Variants in TNXB observed in about 807,000 individuals in gnomAD.
TNXB encodes tenascin-X.
In TNXB, 183 loss-of-function variants were observed where a neutral mutation model predicts 340.5. That is an observed-to-expected ratio of 0.54 (90% CI 0.48 to 0.61). The LOEUF (loss-of-function observed/expected upper bound fraction) is 0.61, where lower values mean the gene tolerates loss of function less well. TNXB is among the 20% of genes least tolerant of loss of function. The probability of loss-of-function intolerance (pLI) is 0.00; values close to 1 mark genes in which losing one functional copy is unlikely to be tolerated. For synonymous variants in TNXB, 2,121 were observed against 2,314.5 expected, an observed-to-expected ratio of 0.92 and a Z score of 2.40; for missense variants, 4,613 against 5,446.4, an observed-to-expected ratio of 0.85 and a Z score of 4.82.
chr6:32,095,802 G>T lies in TNXB; in HGVS notation c.2051C>A (p.Pro684Gln). 2 of 1,612,948 alleles carry T rather than the reference G, an allele frequency of 1.2e-6. No homozygotes were observed. Among genetic ancestry groups the T allele is most frequent in the Non-Finnish European group, 1.7e-6 (2 of 1,179,506 alleles). ...GCAGCCTCCAGGGCAGGCGCTGGCT[G>T]GAGGCTCTTCCTGCCCGCAGTCCTC... Reference protein sequence around the residue: ...GGEDCGQEEPPASACPGGCGP... With the variant: ...GGEDCGQEEPQASACPGGCGP... Residue 684 changes from proline (P) to glutamine (Q), a missense_variant, in exon 3 of 44, where the codon CCA (proline) becomes CAA (glutamine). Pro to Gln is a moderately conservative substitution (Grantham distance 76). This residue lies in a region of TNXB where 4,327 missense variants were observed against 4,859.4 expected (regional missense o/e 0.89). Transcript: ENST00000644971.
rs768607753 is a variant in TNXB, at chr6:32,085,896, G to A, written c.3002C>T (p.Pro1001Leu). The change falls in exon 7 of 44, where the codon CCG (proline) becomes CTG (leucine). Residue 1001 changes from proline (P) to leucine (L), a missense_variant. Pro to Leu is a moderately conservative substitution (Grantham distance 98). Coordinates refer to ENST00000644971, the MANE Select transcript of TNXB (RefSeq NM_001365276.2). The surrounding 1 kb of genome is among the most constrained non-coding windows in gnomAD (Gnocchi z 6.4). ...TGGCAGCACTTCCTCATGTGCCCCC[G>A]GCCCCTCGGGCACCCGCATGCGCAG... Reference protein sequence around the residue: ...FQLRMRVPEGPGAHEEVLPGD... With the variant: ...FQLRMRVPEGLGAHEEVLPGD... The A allele has an allele frequency of 8.1e-6, 13 of 1,608,150 alleles. No individual in the cohort carries two copies. The highest frequency in any genetic ancestry group is 3.3e-5 in the Admixed American group (2 of 59,996).
intron 1 of TNXB, among the ~76,000 whole-genome samples, chr6:32,101,596 T>G (rs1407600854): frequency 6.7e-6 from 1 of 150,078 alleles, no homozygotes; most frequent in Non-Finnish European, 1.5e-5. Flanking sequence ...GCCTTTTTTT[T>G]TTTTTTTTTT....
chr6:32,089,329 T>G lies in TNXB; in HGVS notation c.2409A>C (p.Ser803=), dbSNP rs779701423. 7 of 1,608,198 alleles carry G rather than the reference T, an allele frequency of 4.4e-6. No individual in the cohort carries two copies. The highest frequency in any genetic ancestry group is 5.9e-6 in the Non-Finnish European group (7 of 1,178,288). The change falls in exon 5 of 44, where the codon TCA becomes TCC. Residue 803 remains serine, a synonymous_variant. Transcript: ENST00000644971. This position sits in a 1 kb window ranked among gnomAD's most constrained non-coding sequence, Gnocchi z 6.2. Reference sequence around the variant, plus strand: ...GGGCCAGTCCTCTCTGGTCATAGGCTGAGGCAGAGCTTGGAACCCGTGCTG... The same window carrying G: ...GGGCCAGTCCTCTCTGGTCATAGGCGGAGGCAGAGCTTGGAACCCGTGCTG... ...PFTARVPSSA[S]AYDQRGLAPG...
rs1420235971 is a variant in TNXB at position 32,061,681 on chromosome 6, A to G, written c.7208T>C (p.Met2403Thr). Residue 2403 changes from methionine (M) to threonine (T), a missense_variant, in exon 21 of 44, where the codon ATG (methionine) becomes ACG (threonine). Coordinates refer to ENST00000644971, the MANE Select transcript of TNXB (RefSeq NM_001365276.2). The surrounding 1 kb of genome is among the most constrained non-coding windows in gnomAD (Gnocchi z 4.4). ...EETPSPTEPS[M>T]EAPEPPEEPL... ...CTCCTCAGGGGGCTCCGGGGCCTCC[A>G]TGCTGGGTTCTGTGGGGCTGGGGGT... The G allele has an allele frequency of 9.9e-6, 16 of 1,612,414 alleles. No homozygotes were observed. The highest frequency in any genetic ancestry group is 2.2e-5 in the South Asian group (2 of 91,078).
In TNXB at chr6:32,080,205, G is replaced by C. The variant is rs1779356839; in HGVS notation, c.4043-840C>G. 2.3e-5 allele frequency among the ~76,000 whole-genome samples: 1 copy of C among 43,720 alleles called. No homozygotes were observed. 28.7% of individuals were successfully genotyped at this position (43,720 alleles called of 152,430 possible). A position where few individuals can be genotyped will look rare whatever the true frequency, so the allele number is the denominator to read the frequency against. On this transcript the variant is annotated intron_variant, in intron 10 of 43. Transcript: ENST00000644971. The surrounding 1 kb of genome is among the most constrained non-coding windows in gnomAD (Gnocchi z 4.3). Reference sequence around the variant, plus strand: ...TATTCTAAGTGTGTGGGCTTTTTTTGTTTTTGTTTTTGTTTTTTTTTTTGA... The same window carrying C: ...TATTCTAAGTGTGTGGGCTTTTTTTCTTTTTGTTTTTGTTTTTTTTTTTGA...
At position 32,096,316 on chromosome 6, in the gene TNXB, C is replaced by G. The variant is rs750273126; in HGVS notation, c.1537G>C (p.Val513Leu). ...TCACCGGTGAAGCCCGGGTTGCACA[C>G]GCAGCGGCCATCCACGCAGCGCCCG... ...GRGRCVDGRC[V>L]CNPGFTGEDC... The change falls in exon 3 of 44, where the codon GTG becomes CTG. Residue 513 changes from valine to leucine, a missense_variant. By Grantham distance (32) the Val-to-Leu change is conservative (BLOSUM62 1). Around this residue, in one of 7 missense-constraint regions of TNXB, gnomAD observed 4,327 missense variants for 4,859.4 expected, o/e 0.89. Transcript: ENST00000644971. The G allele has an allele frequency of 9.7e-6, 15 of 1,549,924 alleles. No individual in the cohort carries two copies. The highest frequency in any genetic ancestry group is 1.1e-5 in the Non-Finnish European group (13 of 1,152,820).
Position 32,048,479 on chromosome 6 carries a change from C to G in TNXB, c.9929G>C (p.Gly3310Ala). ...CGAGACGGCGACCGCTCGGAGGTCT[C>G]CGCTCACAGGCACTGCCTGGGGCTG... is the stretch of plus-strand genomic sequence containing the variant. ...QGQPQAVPVS[G>A]DLRAVAVSGL... The change falls in exon 29 of 44, where the codon GGA (glycine) becomes GCA (alanine). Residue 3310 changes from glycine to alanine, a missense_variant. Physicochemically the swap from Gly to Ala is moderately conservative, Grantham distance 60 (BLOSUM62 0). Coordinates refer to ENST00000644971, the MANE Select transcript of TNXB (RefSeq NM_001365276.2). The G allele has an allele frequency of 5.6e-6, 9 of 1,600,980 alleles. No individual in the cohort carries two copies. The highest frequency in any genetic ancestry group is 1.3e-5 in the African/African-American group (1 of 74,922).
rs745733950 is a variant in TNXB, at chr6:32,043,823, G to A, written c.11456C>T (p.Ala3819Val). 7.4e-6 allele frequency: 12 copies of A among 1,613,554 alleles called. No homozygotes were observed. Among genetic ancestry groups the A allele is most frequent in the Non-Finnish European group, 1.0e-5 (12 of 1,180,012 alleles). The part of the protein sequence containing the change: ...TQKLQGLIPG[A>V]RYEVTVVSVR... ...CGAGACCACGGTCACCTCATAGCGA[G>A]CGCCTGGGATCAGCCCCTGGAGTTT... The change falls in exon 35 of 44, where the codon GCT becomes GTT. Residue 3819 changes from alanine to valine, a missense_variant. Ala to Val is a moderately conservative substitution (Grantham distance 64, BLOSUM62 0). This residue lies in a region of TNXB where 114 missense variants were observed against 104.5 expected (regional missense o/e 1.09). Coordinates refer to ENST00000644971, the MANE Select transcript of TNXB (RefSeq NM_001365276.2).
At position 32,097,080 on chromosome 6, in the gene TNXB, C is replaced by A. The variant is rs202076639; in HGVS notation, c.773G>T (p.Arg258Leu). Residue 258 changes from arginine to leucine, a missense_variant, in exon 3 of 44, where the codon CGC becomes CTC. Arg to Leu is a moderately radical substitution (Grantham distance 102). This residue lies in a region of TNXB where 4,327 missense variants were observed against 4,859.4 expected (regional missense o/e 0.89). Coordinates refer to ENST00000644971, the MANE Select transcript of TNXB (RefSeq NM_001365276.2). The surrounding 1 kb of genome is among the most constrained non-coding windows in gnomAD (Gnocchi z 5.9). ...SCPRGCSQRG[R>L]CEGGRCVCDP... ...ACACACGCAGCGCCCACCCTCACAG[C>A]GTCCCCTCTGGCTGCAACCTCGAGG... is the stretch of plus-strand genomic sequence containing the variant. 2 of 1,613,664 alleles carry A rather than the reference C, an allele frequency of 1.2e-6. No individual in the cohort carries two copies. The highest frequency in any genetic ancestry group is 1.7e-6 in the Non-Finnish European group (2 of 1,179,732).
chr6:32,071,881 T>C (rs989146430), intron 13 of TNXB, 109 bp downstream of exon 13: 40 of 1,046,626 alleles, frequency 3.8e-5, no homozygotes, highest in Admixed American at 8.4e-5. Context: ...CCATGTGGCT[T>C]TTCAAATGAG....
chr6:32,063,955 A>G (rs1032787619), intron 19 of TNXB, among the ~76,000 whole-genome samples: 4 of 152,220 alleles, frequency 2.6e-5, no homozygotes, highest in Non-Finnish European at 4.4e-5. Context: ...GTTGTTTTAA[A>G]AATAAATGGG....
rs1318978594 is a variant in TNXB at position 32,068,831 on chromosome 6, C to A, written c.5893G>T (p.Ala1965Ser). ...TGGGCAGAGTTCTCACCTGTCAGGG[C>A]CTCGACATGGACAGGACCTACATGC... ...GKHVGPVHVE[A>S]LTVPEEEKPS... The change falls in exon 16 of 44, where the codon GCC becomes TCC. Residue 1965 changes from alanine (A) to serine (S), a missense_variant. By Grantham distance (99) the Ala-to-Ser change is moderately conservative. Around this residue, in one of 7 missense-constraint regions of TNXB, gnomAD observed 4,327 missense variants for 4,859.4 expected, o/e 0.89. Transcript: ENST00000644971. The surrounding 1 kb of genome is among the most constrained non-coding windows in gnomAD (Gnocchi z 5.3). The A allele has an allele frequency of 6.2e-7, 1 of 1,605,144 alleles. No individual in the cohort carries two copies. The highest frequency in any genetic ancestry group is 8.5e-7 in the Non-Finnish European group (1 of 1,174,016).
intron 6 of TNXB, among the ~76,000 whole-genome samples, chr6:32,088,109 C>A (rs1028750433): frequency 6.6e-6 from 1 of 152,176 alleles, no homozygotes; most frequent in African/African-American, 2.4e-5. Context: ...TCCCTGTGCC[C>A]CAGCCCCACC....
chr6:32,098,325 C>G lies in TNXB; in HGVS notation c.-8-119G>C, dbSNP rs977541567. The G allele has an allele frequency of 5.9e-6, 5 of 847,536 alleles. No homozygotes were observed. The African/African-American group carries it at 6.8e-5, about 12-fold the overall frequency. The allele number at this position is 847,536 out of a possible 1,614,324, so 52.5% of individuals were successfully genotyped here. On this transcript the variant is annotated intron_variant, in intron 1 of 43. Transcript: ENST00000644971. ...ACAAGTAATCTACCCAACTCACATGCATGTAAAAATTCACATTCCGCCCAA... is the reference window on the plus strand; with the variant it reads ...ACAAGTAATCTACCCAACTCACATGGATGTAAAAATTCACATTCCGCCCAA...
chr6:32,102,669 C>T (rs1194992884), intron 1 of TNXB, among the ~76,000 whole-genome samples: 3 of 152,080 alleles, frequency 2.0e-5, no homozygotes, highest in Non-Finnish European at 4.4e-5. Context: ...TGCCTGTAAT[C>T]CCGGCACTTT....
Position 32,096,231 on chromosome 6 carries a change from C to A in TNXB, c.1622G>T (p.Gly541Val). Reference protein sequence around the residue: ...DCRGHGLCEDGVCVCDAGYSG... With the variant: ...DCRGHGLCEDVVCVCDAGYSG... ...GTAGCCTGCGTCACACACGCACACG[C>A]CATCCTCGCAAAGGCCGTGCCCACG... The change falls in exon 3 of 44, where the codon GGC becomes GTC. Residue 541 changes from glycine to valine, a missense_variant. Coordinates refer to ENST00000644971, the MANE Select transcript of TNXB (RefSeq NM_001365276.2). 6.4e-7 allele frequency: 1 copy of A among 1,569,840 alleles called. No individual in the cohort carries two copies. Among genetic ancestry groups the A allele is most frequent in the Non-Finnish European group, 8.6e-7 (1 of 1,161,186 alleles).
Position 32,097,127 on chromosome 6 carries a change from G to C in TNXB, c.726C>G (p.Pro242=), listed in dbSNP as rs772082210. Residue 242 remains proline, a synonymous_variant, in exon 3 of 44, where the codon CCC becomes CCG. Transcript: ENST00000644971. The surrounding 1 kb of genome is among the most constrained non-coding windows in gnomAD (Gnocchi z 5.9). The part of the protein sequence containing the change: ...VCVCRAGFSG[P]DCSQRSCPRG... The stretch of plus-strand genomic sequence containing the variant: ...GAGGGCAGGAGCGCTGGCTGCAGTC[G>C]GGGCCTGAGAAGCCTGCCCGGCACA... 2 of 1,608,462 alleles carry C rather than the reference G, an allele frequency of 1.2e-6. No homozygotes were observed. The highest frequency in any genetic ancestry group is 2.2e-5 in the South Asian group (2 of 90,230).
At position 32,084,500 on chromosome 6, in the gene TNXB, G is replaced by A. The variant is rs1310150967; in HGVS notation, c.3358C>T (p.Leu1120=). 2.5e-6 allele frequency: 4 copies of A among 1,609,094 alleles called. No individual in the cohort carries two copies. Among genetic ancestry groups the A allele is most frequent in the African/African-American group, 2.7e-5 (2 of 74,920 alleles). Residue 1120 remains leucine, a synonymous_variant, in exon 8 of 44, where the codon CTG becomes TTG. Coordinates refer to ENST00000644971, the MANE Select transcript of TNXB (RefSeq NM_001365276.2). The surrounding 1 kb of genome is among the most constrained non-coding windows in gnomAD (Gnocchi z 5.5). ...AATTTGTACTTGCGGCCAGGATCCAGGGAGGTGATGACGGCCGAGCGCTGG... is the reference window on the plus strand; with the variant it reads ...AATTTGTACTTGCGGCCAGGATCCAAGGAGGTGATGACGGCCGAGCGCTGG... ...GPQRSAVITS[L]DPGRKYKFVL... is the part of the protein sequence containing the mutation.
In TNXB at chr6:32,056,731, A is replaced by T. The variant is rs1445610177; in HGVS notation, c.7998T>A (p.Asp2666Glu). The T allele has an allele frequency of 6.2e-7, 1 of 1,613,270 alleles. No individual in the cohort carries two copies. Among genetic ancestry groups the T allele is most frequent in the Non-Finnish European group, 8.5e-7 (1 of 1,179,854 alleles). Residue 2666 changes from aspartate to glutamate, a missense_variant, in exon 23 of 44, where the codon GAT becomes GAA. Coordinates refer to ENST00000644971, the MANE Select transcript of TNXB (RefSeq NM_001365276.2). ...GCACCCGCACCGCCTTGGGCTGCCC[A>T]TCCCCATTCCTGTACTGGACCAGGA... ...DHFLVQYRNG[D>E]GQPKAVRVPG...
Sources: allele counts gnomAD v4.1 joint callset (sites outside exome capture counted in the v4.1 genomes callset), GRCh38; gene constraint gnomAD v4.1.1; regional missense constraint gnomAD v4.1.1; non-coding constraint Gnocchi (gnomAD v3.1); transcripts MANE v1.5; gene names NCBI Gene and HGNC (gene_info 2026-07-23, HGNC 2026-07-21).